Variants in MOB4 observed in about 807,000 individuals in gnomAD.
The protein encoded by MOB4 is MOB-like protein phocein.
In MOB4, 4 loss-of-function variants were observed where a neutral mutation model predicts 32.2. The observed-to-expected ratio is 0.12, with a 90% CI of 0.06 to 0.28. MOB4 has a LOEUF of 0.28. Among genes scored for constraint, MOB4 ranks in the 10% least tolerant of loss-of-function variants. The probability of loss-of-function intolerance (pLI) is 1.00; values close to 1 mark genes in which losing one functional copy is unlikely to be tolerated. For missense variants in MOB4, 158 were observed against 271.2 expected, an observed-to-expected ratio of 0.58 and a Z score of 2.93; for synonymous variants, 88 against 88.1, an observed-to-expected ratio of 1.00 and a Z score of 0.01.
chr2:197,518,246 T>C (rs1245728536), intron 1 of MOB4, among the ~76,000 whole-genome samples: 1 of 152,100 alleles, frequency 6.6e-6, no homozygotes, highest in African/African-American at 2.4e-5. Context: ...TTTTCTTTTT[T>C]CTTTTTCTTT....
chr2:197,537,385 A>C (rs887130589), intron 3 of MOB4, among the ~76,000 whole-genome samples: 16 of 152,202 alleles, frequency 1.1e-4, no homozygotes, highest in African/African-American at 3.9e-4. Flanking sequence ...TATTATTTGT[A>C]AGTTGATTTT....
intron 4 of MOB4, 23 bp downstream of exon 4, chr2:197,540,176 G>A: frequency 6.3e-7 from 1 of 1,598,428 alleles, no homozygotes; most frequent in Non-Finnish European, 8.5e-7. Flanking sequence ...TTAAGTCAAA[G>A]TTATAATTGA....
chr2:197,525,372 A>G (rs1462565139), intron 2 of MOB4, among the ~76,000 whole-genome samples: 1 of 151,800 alleles, frequency 6.6e-6, no homozygotes, highest in African/African-American at 2.4e-5. Flanking sequence ...GTAGACAGCT[A>G]TTCGGATTTG....
chr2:197,539,257 A>T (rs1040947928), intron 3 of MOB4, among the ~76,000 whole-genome samples: 1 of 151,916 alleles, frequency 6.6e-6, no homozygotes, highest in Non-Finnish European at 1.5e-5. Context: ...GTGACATAGA[A>T]GATTGTCTTT....
At chr2:197,538,568 G>A (rs2086843587) in intron 3 of MOB4, among the ~76,000 whole-genome samples, 2 of 152,066 alleles carry the variant, frequency 1.3e-5, no homozygotes, top group African/African-American at 2.4e-5. Flanking sequence ...TTTATGTCCG[G>A]ATACATGCGT....
At chr2:197,525,083 C>T (rs1054942997) in intron 2 of MOB4, among the ~76,000 whole-genome samples, 1 of 152,274 alleles carries the variant, frequency 6.6e-6, no homozygotes, top group African/African-American at 2.4e-5. Context: ...CGGTGGCTCA[C>T]GCCTGTAATC....
At chr2:197,516,896 G>A in intron 1 of MOB4, among the ~76,000 whole-genome samples, 1 of 152,160 alleles carries the variant, frequency 6.6e-6, no homozygotes, top group Non-Finnish European at 1.5e-5. Context: ...AAGATGGGAT[G>A]CCTCACATTA....
At chr2:197,523,317 G>T (rs746529407) in intron 1 of MOB4, among the ~76,000 whole-genome samples, 2 of 152,136 alleles carry the variant, frequency 1.3e-5, no homozygotes, top group Non-Finnish European at 2.9e-5. Context: ...GGCGCAGTGG[G>T]TCAGGACTAT....
intron 5 of MOB4, among the ~76,000 whole-genome samples, chr2:197,546,348 A>G (rs1238629624): frequency 6.6e-6 from 1 of 152,170 alleles, no homozygotes; most frequent in African/African-American, 2.4e-5. Context: ...GGCGTGAGCC[A>G]CTGCGCCCGG....
rs1574658728 is a variant in MOB4 at position 197,551,375 on chromosome 2, A to G, written c.*729A>G. The G allele has an allele frequency of 6.5e-6, 1 of 152,726 alleles. No homozygotes were observed. Among genetic ancestry groups the G allele is most frequent in the South Asian group, 2.1e-4 (1 of 4,830 alleles). 9.5% of individuals were successfully genotyped at this position (152,726 alleles called of 1,614,324 possible). On this transcript the variant is annotated 3_prime_UTR_variant, in exon 8 of 8. Coordinates refer to ENST00000323303, the MANE Select transcript of MOB4 (RefSeq NM_015387.5). Reference sequence around the variant, plus strand: ...ACCCCTTCTCATTTCCCTTAACCTTATCTTCAAACTACTTTAGCTGAGAAG... The same window carrying G: ...ACCCCTTCTCATTTCCCTTAACCTTGTCTTCAAACTACTTTAGCTGAGAAG...
chr2:197,534,010 A>G lies in MOB4; in HGVS notation c.124-1520A>G, dbSNP rs887865066. The G allele has an allele frequency of 1.0e-5, 5 of 490,314 alleles. No homozygotes were observed. The East Asian group carries it at 1.5e-4, about 14-fold the overall frequency. The allele number at this position is 490,314 out of a possible 1,614,324, so 30.4% of individuals were successfully genotyped here. ...GGCACACATACTTAATATTGCATCA[A>G]GGTCACTATCATGTCACCATATCAA... On this transcript the variant is annotated intron_variant, in intron 2 of 7. Coordinates refer to ENST00000323303, the MANE Select transcript of MOB4 (RefSeq NM_015387.5).
chr2:197,549,644 G>T (rs2087058953), intron 6 of MOB4, among the ~76,000 whole-genome samples: 1 of 151,906 alleles, frequency 6.6e-6, no homozygotes, highest in Non-Finnish European at 1.5e-5. Context: ...CTGCCTCCTG[G>T]GTTCAAGCGT....
At chr2:197,530,603 C>T (rs13388275) in intron 2 of MOB4, among the ~76,000 whole-genome samples, 1 of 151,734 alleles carries the variant, frequency 6.6e-6, no homozygotes, top group Non-Finnish European at 1.5e-5. Context: ...CATTCAAATT[C>T]TCCTGGCTTC....
Position 197,551,737 on chromosome 2 carries a change from A to G in MOB4, c.*1091A>G, listed in dbSNP as rs1226398164. The G allele has an allele frequency of 6.6e-6, 1 of 152,444 alleles. No individual in the cohort carries two copies. The highest frequency in any genetic ancestry group is 1.5e-5 in the Non-Finnish European group (1 of 68,024). The allele number at this position is 152,444 out of a possible 1,614,324, so 9.4% of individuals were successfully genotyped here. ...TGTGAGATTATTTGCAATAATTCAT[A>G]GGTTCCAAGGGTGTTGATGAATAGT... is the stretch of plus-strand genomic sequence containing the variant. On this transcript the variant is annotated 3_prime_UTR_variant, in exon 8 of 8. Transcript: ENST00000323303.
At chr2:197,528,842 C>T (rs543855116) in intron 2 of MOB4, among the ~76,000 whole-genome samples, 1 of 152,124 alleles carries the variant, frequency 6.6e-6, no homozygotes, top group East Asian at 1.9e-4. Flanking sequence ...TGGTCTCAAT[C>T]TCCTGACCTC....
chr2:197,515,947 C>A (rs1343756946), upstream of MOB4: 1 of 826,370 alleles, frequency 1.2e-6, no homozygotes, highest in Non-Finnish European at 1.9e-6. Context: ...TCTACCCGGA[C>A]GGCTCCCGGC....
intron 1 of MOB4, chr2:197,516,813 T>C: frequency 6.6e-6 from 3 of 453,290 alleles, no homozygotes; most frequent in South Asian, 4.7e-5. Flanking sequence ...ATTATAATTT[T>C]GTCAGCTTTT....
At chr2:197,526,552 G>A (rs368995002) in intron 2 of MOB4, among the ~76,000 whole-genome samples, 25 of 152,248 alleles carry the variant, frequency 1.6e-4, no homozygotes, top group Middle Eastern at 6.8e-3. Flanking sequence ...TCCAGACCTC[G>A]TGATCTACCT....
intron 1 of MOB4, among the ~76,000 whole-genome samples, chr2:197,521,577 G>A (rs111863751): frequency 0.011 from 1,685 of 152,012 alleles, 16 homozygotes; most frequent in Admixed American, 0.023. Context: ...GGGAGACTGG[G>A]GTTTATTTCA....
Sources: allele counts gnomAD v4.1 joint callset (sites outside exome capture counted in the v4.1 genomes callset), GRCh38; gene constraint gnomAD v4.1.1; transcripts MANE v1.5; gene names NCBI Gene and HGNC (gene_info 2026-07-23, HGNC 2026-07-21).